The following FBXL2 variants were observed in gnomAD, a reference collection of about 807,000 sequenced individuals.
FBXL2 encodes F-box and leucine rich repeat protein 2.
Under a neutral mutation model 69.2 loss-of-function variants are expected in FBXL2, and 38 were observed. That is an observed-to-expected ratio of 0.55 (90% CI 0.42 to 0.72). FBXL2 has a LOEUF of 0.72. Among genes scored for constraint, FBXL2 ranks in the 30% least tolerant of loss-of-function variants. The pLI, the probability that FBXL2 is intolerant of heterozygous loss-of-function variation, is 0.00. For missense variants in FBXL2, 354 were observed against 520.3 expected, an observed-to-expected ratio of 0.68 and a Z score of 3.11; for synonymous variants, 192 against 201.3, an observed-to-expected ratio of 0.95 and a Z score of 0.39.
intron 2 of FBXL2, among the ~76,000 whole-genome samples, chr3:33,303,977 T>C (rs566506284): frequency 6.6e-6 from 1 of 151,900 alleles, no homozygotes; most frequent in South Asian, 2.1e-4. Context: ...CGAGATACTT[T>C]AGGTGGGAAT....
intron 2 of FBXL2, among the ~76,000 whole-genome samples, chr3:33,315,269 TTTC>T (rs2037582940): frequency 2.0e-5 from 3 of 151,570 alleles, no homozygotes; most frequent in African/African-American, 7.3e-5. Context: ...TTCTCTTATC[TTTC>T]TTTTCCTTTC....
intron 13 of FBXL2, among the ~76,000 whole-genome samples, chr3:33,379,707 A>C (rs1482357745): frequency 1.2e-4 from 19 of 152,118 alleles, no homozygotes; most frequent in East Asian, 5.8e-4. Flanking sequence ...ACAAAAAAAA[A>C]CACTACAGAC....
chr3:33,366,272 A>C (rs1384754826), intron 5 of FBXL2, among the ~76,000 whole-genome samples: 1 of 152,126 alleles, frequency 6.6e-6, no homozygotes, highest in Admixed American at 6.5e-5. Flanking sequence ...GTCATGAGGA[A>C]TATTGTCTTA....
At chr3:33,380,710 C>T (rs1275933158) in intron 13 of FBXL2, among the ~76,000 whole-genome samples, 2 of 152,142 alleles carry the variant, frequency 1.3e-5, no homozygotes, top group African/African-American at 4.8e-5. Flanking sequence ...TCCCTCTCCT[C>T]CCTGTCTCTT....
At position 33,387,634 on chromosome 3, in the gene FBXL2, C is replaced by CAAACAAAA. The variant is rs1161288867; in HGVS notation, c.*2029_*2030insCAAAAAAA. ...TCTCAAAACAAAACAAACAAACAAA[C>CAAACAAAA]AAAACAAACCACCAGAGCCTTCTAT... On this transcript the variant is annotated 3_prime_UTR_variant, in exon 15 of 15. Coordinates refer to ENST00000484457, the MANE Select transcript of FBXL2 (RefSeq NM_012157.5). 8.7e-5 allele frequency: 13 copies of CAAACAAAA among 149,360 alleles called. No individual in the cohort carries two copies. Among genetic ancestry groups the CAAACAAAA allele is most frequent in the African/African-American group, 3.2e-4 (13 of 40,374 alleles). 9.3% of individuals were successfully genotyped at this position (149,360 alleles called of 1,614,324 possible).
intron 12 of FBXL2, chr3:33,403,013 G>T: frequency 2.0e-6 from 2 of 999,394 alleles, no homozygotes; most frequent in Non-Finnish European, 1.5e-6. Flanking sequence ...ATGCGAGACA[G>T]CTGACATTTA....
intron 2 of FBXL2, among the ~76,000 whole-genome samples, chr3:33,308,830 C>A (rs1320569051): frequency 6.6e-6 from 1 of 152,062 alleles, no homozygotes; most frequent in East Asian, 1.9e-4. Flanking sequence ...TGATAGTTTC[C>A]TCTTAATTTC....
At chr3:33,278,925 A>T (rs1033660446) in intron 1 of FBXL2, among the ~76,000 whole-genome samples, 5 of 152,072 alleles carry the variant, frequency 3.3e-5, no homozygotes, top group Non-Finnish European at 7.4e-5. Context: ...CCAGGAATTA[A>T]TTTTTCACAG....
chr3:33,343,988 A>G (rs1286009502), intron 2 of FBXL2, among the ~76,000 whole-genome samples: 2 of 152,060 alleles, frequency 1.3e-5, no homozygotes, highest in African/African-American at 4.8e-5. Flanking sequence ...TCTGTTCTAC[A>G]TAGCAGTATC....
At chr3:33,419,384 C>T in the FBXL2 span, among the ~76,000 whole-genome samples, 1 of 151,952 alleles carries the variant, frequency 6.6e-6, no homozygotes, top group Non-Finnish European at 1.5e-5. Context: ...AATCCTAGCA[C>T]TTTGGGAGGC....
intron 12 of FBXL2, among the ~76,000 whole-genome samples, chr3:33,395,004 A>G (rs2043919539): frequency 6.6e-6 from 1 of 152,110 alleles, no homozygotes; most frequent in Non-Finnish European, 1.5e-5. Flanking sequence ...ATTATGGGAA[A>G]ATATCCAATA....
intron 2 of FBXL2, among the ~76,000 whole-genome samples, chr3:33,306,364 C>T (rs1490416790): frequency 6.6e-6 from 1 of 152,108 alleles, no homozygotes. Flanking sequence ...CTTTGCCAGT[C>T]ACCAAAGAAG....
At position 33,386,516 on chromosome 3, in the gene FBXL2, A is replaced by C. The variant is rs1354985757; in HGVS notation, c.*908A>C. 6.6e-6 allele frequency: 1 copy of C among 152,206 alleles called. No homozygotes were observed. Among genetic ancestry groups the C allele is most frequent in the Non-Finnish European group, 1.5e-5 (1 of 68,026 alleles). 9.4% of individuals were successfully genotyped at this position (152,206 alleles called of 1,614,324 possible). ...TTTCAAGCTTATTTTGAAATCTTAA[A>C]AATCAGGTTACACCATAGCTACTCA... On this transcript the variant is annotated 3_prime_UTR_variant, in exon 15 of 15. Transcript: ENST00000484457.
At chr3:33,393,261 G>T in intron 12 of FBXL2, 1 of 1,528,454 alleles carries the variant, frequency 6.5e-7, no homozygotes. Flanking sequence ...ACAATTACAT[G>T]TATAAAAGTA....
At chr3:33,311,801 A>G (rs151143804) in intron 2 of FBXL2, among the ~76,000 whole-genome samples, 2 of 151,498 alleles carry the variant, frequency 1.3e-5, no homozygotes, top group Non-Finnish European at 3.0e-5. Context: ...ATTTTTTTGT[A>G]TTTTAGTAGA....
chr3:33,408,236 T>G (rs957327892), downstream of FBXL2, among the ~76,000 whole-genome samples: 3 of 152,194 alleles, frequency 2.0e-5, no homozygotes, highest in Non-Finnish European at 4.4e-5. Flanking sequence ...TCAAGCTTGC[T>G]GCCATCATCT....
At chr3:33,409,088 A>T in the FBXL2 span, 1 of 800,510 alleles carries the variant, frequency 1.2e-6, no homozygotes, top group Non-Finnish European at 2.0e-6. Context: ...CCCCAAATTT[A>T]AATATTTTCC....
chr3:33,317,029 G>A (rs2037761788), intron 2 of FBXL2, among the ~76,000 whole-genome samples: 2 of 151,992 alleles, frequency 1.3e-5, no homozygotes. Flanking sequence ...AGACTCCCAA[G>A]TAGATATGAC....
intron 2 of FBXL2, among the ~76,000 whole-genome samples, chr3:33,335,312 A>C (rs929396006): frequency 2.0e-5 from 3 of 152,194 alleles, no homozygotes; most frequent in African/African-American, 7.2e-5. Flanking sequence ...CCAGATATGT[A>C]GGAAGGAATG....
Sources: gnomAD v4.1 joint callset for allele counts (sites outside exome capture counted in the v4.1 genomes callset) on GRCh38, gnomAD v4.1.1 for gene constraint, MANE v1.5 for transcripts, NCBI Gene and HGNC (gene_info 2026-07-23, HGNC 2026-07-21) for gene names.